Variants in VRK2 observed in about 807,000 individuals in gnomAD.
The protein encoded by VRK2 is serine/threonine-protein kinase VRK2.
A neutral mutation model predicts 57.6 loss-of-function variants in VRK2; 60 were observed. That is an observed-to-expected ratio of 1.04 (90% confidence interval 0.85 to 1.29). The LOEUF (loss-of-function observed/expected upper bound fraction) is 1.29, where lower values mean the gene tolerates loss of function less well. Among genes scored for constraint, VRK2 ranks in the 50% most tolerant of loss-of-function variants. The pLI is 0.00. For missense variants in VRK2, 705 were observed against 588.1 expected (o/e 1.20, Z -2.06); for synonymous variants, 231 against 199.2 (o/e 1.16, Z -1.35).
intron 1 of VRK2, among the ~76,000 whole-genome samples, chr2:57,987,715 A>G (rs758146822): frequency 9.9e-5 from 15 of 152,204 alleles, no homozygotes; most frequent in Non-Finnish European, 1.8e-4. Context: ...TATTTGTAGT[A>G]TATTTATTCA....
intron 2 of VRK2, among the ~76,000 whole-genome samples, chr2:58,070,118 A>G (rs1454715098): frequency 1.3e-5 from 2 of 152,170 alleles, no homozygotes; most frequent in Non-Finnish European, 2.9e-5. Flanking sequence ...AGTGTGGTAA[A>G]TATGTTATAA....
chr2:58,075,188 T>TTTAAAAACACTTGTCACAGTG (rs1669915354), intron 2 of VRK2, among the ~76,000 whole-genome samples: 1 of 152,102 alleles, frequency 6.6e-6, no homozygotes, highest in Admixed American at 6.6e-5. Context: ...GACAATGGCC[T>TTTAAAAACACTTGTCACAGTG]CCAGCTCCAT....
chr2:58,082,538 A>G (rs945694589), intron 2 of VRK2, among the ~76,000 whole-genome samples: 7 of 151,902 alleles, frequency 4.6e-5, no homozygotes, highest in African/African-American at 1.4e-4. Context: ...CTAGTAAAAT[A>G]GTTTGTCATA....
chr2:58,035,503 T>A (rs1674247751), intron 3 of VRK2, among the ~76,000 whole-genome samples: 1 of 152,004 alleles, frequency 6.6e-6, no homozygotes, highest in Non-Finnish European at 1.5e-5. Flanking sequence ...TCCAGATAGT[T>A]TCAGAGGAAC....
At chr2:57,908,535 G>A (rs988284162) in intron 1 of VRK2, among the ~76,000 whole-genome samples, 1 of 151,868 alleles carries the variant, frequency 6.6e-6, no homozygotes, top group African/African-American at 2.4e-5. Flanking sequence ...AAAAACTTGA[G>A]CTCCATCATT....
intron 1 of VRK2, among the ~76,000 whole-genome samples, chr2:57,983,457 G>A (rs966644878): frequency 5.9e-5 from 9 of 152,070 alleles, no homozygotes; most frequent in African/African-American, 9.7e-5. Flanking sequence ...CATATTCACA[G>A]GTTTCAGAGA....
chr2:58,109,754 A>G (rs1264320943), intron 7 of VRK2, among the ~76,000 whole-genome samples: 1 of 152,198 alleles, frequency 6.6e-6, no homozygotes, highest in Non-Finnish European at 1.5e-5. Context: ...ATTCAAGATG[A>G]GATTTTGGGT....
intron 1 of VRK2, among the ~76,000 whole-genome samples, chr2:58,008,301 A>G (rs1330776588): frequency 2.0e-5 from 3 of 152,084 alleles, no homozygotes; most frequent in Non-Finnish European, 4.4e-5. Flanking sequence ...CAACTGATGA[A>G]AATACATAGT....
chr2:58,150,364 A>G (rs1682813536), intron 12 of VRK2, among the ~76,000 whole-genome samples: 1 of 151,238 alleles, frequency 6.6e-6, no homozygotes, highest in Non-Finnish European at 1.5e-5. Context: ...TGTCCATCTC[A>G]TCTAAGTTTT....
chr2:58,120,604 C>T (rs1338477879), intron 7 of VRK2, among the ~76,000 whole-genome samples: 1 of 152,152 alleles, frequency 6.6e-6, no homozygotes, highest in Non-Finnish European at 1.5e-5. Flanking sequence ...CTTAATATTC[C>T]CCTTAGCTTG....
chr2:58,075,214 G>A (rs1418014704), intron 2 of VRK2, among the ~76,000 whole-genome samples: 1 of 152,012 alleles, frequency 6.6e-6, no homozygotes, highest in Non-Finnish European at 1.5e-5. Context: ...TTGCGGCAAA[G>A]GACACGATCT....
rs1553422542 is a variant in VRK2, at chr2:58,137,224, C to CGT, written c.856+2025_856+2026insGT. On this transcript the variant is annotated intron_variant, in intron 10 of 12. Coordinates refer to ENST00000340157, the MANE Select transcript of VRK2 (RefSeq NM_006296.7). The stretch of plus-strand genomic sequence containing the variant: ...TATCTCATATATGATACATATATAT[C>CGT]ATATGATACATATATATCATATATA... 2.6e-4 allele frequency among the ~76,000 whole-genome samples: 17 copies of CGT among 65,140 alleles called. 1 individual carries two copies. The East Asian group carries it at 5.9e-3, about 23-fold the overall frequency. 42.7% of individuals were successfully genotyped at this position (65,140 alleles called of 152,430 possible).
At chr2:57,910,388 G>A (rs559541061) in intron 1 of VRK2, among the ~76,000 whole-genome samples, 1 of 152,280 alleles carries the variant, frequency 6.6e-6, no homozygotes, top group Non-Finnish European at 1.5e-5. Context: ...TTGAAAATAA[G>A]TAAACTTGTG....
chr2:57,945,388 A>G (rs886091435), intron 1 of VRK2, among the ~76,000 whole-genome samples: 1 of 152,134 alleles, frequency 6.6e-6, no homozygotes, highest in Non-Finnish European at 1.5e-5. Flanking sequence ...GAGTCTATCA[A>G]CTGTCACCAT....
At chr2:57,962,549 T>G (rs1671793643) in intron 1 of VRK2, among the ~76,000 whole-genome samples, 1 of 152,114 alleles carries the variant, frequency 6.6e-6, no homozygotes, top group South Asian at 2.1e-4. Context: ...TGATCGGTAG[T>G]TTTTCGATCC....
At chr2:57,972,781 T>C (rs1401384258) in intron 1 of VRK2, among the ~76,000 whole-genome samples, 1 of 151,880 alleles carries the variant, frequency 6.6e-6, no homozygotes, top group Non-Finnish European at 1.5e-5. Context: ...TAGATAATCA[T>C]TCATTGTTGT....
chr2:58,156,117 CTCTT>C (rs1414250219), intron 12 of VRK2, among the ~76,000 whole-genome samples: 1 of 151,908 alleles, frequency 6.6e-6, no homozygotes, highest in Non-Finnish European at 1.5e-5. Context: ...GGGATGCTTA[CTCTT>C]TCTTGTCTAT....
At chr2:58,039,879 T>C (rs1674391659) in intron 3 of VRK2, among the ~76,000 whole-genome samples, 1 of 151,880 alleles carries the variant, frequency 6.6e-6, no homozygotes, top group African/African-American at 2.4e-5. Flanking sequence ...ATATTTACTA[T>C]AAGCATGTAT....
chr2:58,109,003 A>G (rs1675158986), intron 7 of VRK2, among the ~76,000 whole-genome samples: 1 of 152,316 alleles, frequency 6.6e-6, no homozygotes, highest in Admixed American at 6.5e-5. Context: ...AAAGTACTTA[A>G]TGCTCTTACA....
Sources: gnomAD v4.1 joint callset for allele counts (sites outside exome capture counted in the v4.1 genomes callset) on GRCh38, gnomAD v4.1.1 for gene constraint, MANE v1.5 for transcripts, NCBI Gene and HGNC (gene_info 2026-07-23, HGNC 2026-07-21) for gene names.